Variants in P3H2 observed in about 807,000 individuals in gnomAD.
P3H2 encodes prolyl 3-hydroxylase 2, also known as leprecan-like 1.
A neutral mutation model predicts 87.0 loss-of-function variants in P3H2; 80 were observed. That is an observed-to-expected ratio of 0.92 (90% CI 0.77 to 1.11). The LOEUF is 1.11. Ranked by LOEUF, P3H2 falls within the 50% of genes least tolerant of loss-of-function variation. P3H2 has a pLI of 0.00. For synonymous variants in P3H2, 367 were observed against 359.3 expected, an observed-to-expected ratio of 1.02 and a Z score of -0.24; for missense variants, 1,001 against 923.9, an observed-to-expected ratio of 1.08 and a Z score of -1.08.
At chr3:189,986,583 C>G (rs1056070012) in intron 6 of P3H2, among the ~76,000 whole-genome samples, 1 of 152,092 alleles carries the variant, frequency 6.6e-6, no homozygotes, top group African/African-American at 2.4e-5. Flanking sequence ...GAGCGAGACT[C>G]CATCTCAAAA....
chr3:190,023,667 T>C (rs1337203557), intron 1 of P3H2, among the ~76,000 whole-genome samples: 1 of 152,074 alleles, frequency 6.6e-6, no homozygotes, highest in Non-Finnish European at 1.5e-5. Context: ...GAGTTTTGGG[T>C]GGGGACACAA....
chr3:190,071,005 T>C (rs550366293), intron 1 of P3H2, among the ~76,000 whole-genome samples: 208 of 152,316 alleles, frequency 1.4e-3, no homozygotes, highest in African/African-American at 4.7e-3. Context: ...ATGAGTAAAA[T>C]AATTTTGGCT....
At chr3:189,996,400 C>T (rs1241446484) in intron 1 of P3H2, among the ~76,000 whole-genome samples, 2 of 152,132 alleles carry the variant, frequency 1.3e-5, no homozygotes, top group Non-Finnish European at 2.9e-5. Flanking sequence ...TATATGGAAT[C>T]TGAAACAGTT....
At chr3:190,080,491 C>T (rs1213406212) in intron 1 of P3H2, among the ~76,000 whole-genome samples, 1 of 152,066 alleles carries the variant, frequency 6.6e-6, no homozygotes, top group Non-Finnish European at 1.5e-5. Context: ...ACCTCTGCCT[C>T]CCAGGTGCAA....
intron 1 of P3H2, among the ~76,000 whole-genome samples, chr3:190,105,868 G>A (rs1711812929): frequency 6.6e-6 from 1 of 152,144 alleles, no homozygotes; most frequent in South Asian, 2.1e-4. Flanking sequence ...GACAGAGCTG[G>A]GTGTAGAGAT....
At chr3:190,037,178 T>G (rs1000540604) in intron 1 of P3H2, among the ~76,000 whole-genome samples, 1 of 152,142 alleles carries the variant, frequency 6.6e-6, no homozygotes, top group African/African-American at 2.4e-5. Context: ...GTTGGATAAC[T>G]TGAGATCATA....
chr3:190,014,429 T>A (rs1724689123), intron 1 of P3H2, among the ~76,000 whole-genome samples: 1 of 152,222 alleles, frequency 6.6e-6, no homozygotes, highest in South Asian at 2.1e-4. Context: ...GACAGATGGA[T>A]AGGGTTTGGC....
At chr3:190,035,426 G>A (rs1338329830) in intron 1 of P3H2, among the ~76,000 whole-genome samples, 1 of 152,086 alleles carries the variant, frequency 6.6e-6, no homozygotes, top group Non-Finnish European at 1.5e-5. Context: ...AATGTTATGT[G>A]AATATAAAGC....
At chr3:190,058,105 C>T (rs969022313) in intron 1 of P3H2, among the ~76,000 whole-genome samples, 8 of 151,978 alleles carry the variant, frequency 5.3e-5, no homozygotes, top group Non-Finnish European at 1.2e-4. Context: ...ATGGAAAATC[C>T]CAATATCACC....
Position 189,970,857 on chromosome 3 carries a change from C to G in P3H2, c.1852G>C (p.Gly618Arg). 6.3e-7 allele frequency: 1 copy of G among 1,591,832 alleles called. No homozygotes were observed. The highest frequency in any genetic ancestry group is 1.1e-5 in the South Asian group (1 of 90,630). The change falls in exon 13 of 15, where the codon GGA (glycine) becomes CGA (arginine). Residue 618 changes from glycine (G) to arginine (R), a missense_variant. Gly to Arg is a moderately radical substitution (Grantham distance 125, BLOSUM62 -2). Transcript: ENST00000319332. ...TCCATCTCTGTGAATATGAATTCTC[C>G]TCCTTCAAAGTCATCATTCATATAT... ...LLYMNDDFEG[G>R]EFIFTEMDAK...
At chr3:190,082,528 C>G (rs1394512763) in intron 1 of P3H2, among the ~76,000 whole-genome samples, 1 of 152,114 alleles carries the variant, frequency 6.6e-6, no homozygotes, top group Non-Finnish European at 1.5e-5. Flanking sequence ...ATTGGGATAG[C>G]CTCCAACTCA....
chr3:189,977,768 T>A (rs995769534), intron 8 of P3H2, among the ~76,000 whole-genome samples: 8 of 139,200 alleles, frequency 5.7e-5, no homozygotes, highest in African/African-American at 2.3e-4. Flanking sequence ...GCCTAGTTTA[T>A]TTTTTTTTTT....
intron 1 of P3H2, among the ~76,000 whole-genome samples, chr3:190,087,945 T>C (rs7610141): frequency 0.11 from 17,271 of 152,196 alleles, 2,190 homozygotes; most frequent in African/African-American, 0.31. Context: ...TTGGTCCAAG[T>C]GTTCAACAAG....
chr3:190,120,819 G>T lies in P3H2; in HGVS notation c.-88C>A. 6.8e-7 allele frequency: 1 copy of T among 1,464,984 alleles called. No individual in the cohort carries two copies. Among genetic ancestry groups the T allele is most frequent in the South Asian group, 1.3e-5 (1 of 76,660 alleles). 90.7% of individuals were successfully genotyped at this position (1,464,984 alleles called of 1,614,324 possible). A position where few individuals can be genotyped will look rare whatever the true frequency, so the allele number is the denominator to read the frequency against. ...GGGTCCCCTCTCCCACCTTCCCTCG[G>T]GGAAGCGCGCCGACTCCGCCGCGAT... On this transcript the variant is annotated 5_prime_UTR_variant, in exon 1 of 15. Transcript: ENST00000319332.
chr3:190,108,999 T>C (rs1031877779), intron 1 of P3H2, among the ~76,000 whole-genome samples: 2 of 152,234 alleles, frequency 1.3e-5, no homozygotes, highest in African/African-American at 4.8e-5. Flanking sequence ...AGTGTCTCAA[T>C]AGAATATGGC....
chr3:190,037,380 C>G (rs1254626178), intron 1 of P3H2, among the ~76,000 whole-genome samples: 1 of 151,522 alleles, frequency 6.6e-6, no homozygotes, highest in African/African-American at 2.4e-5. Flanking sequence ...AAGATGATCA[C>G]ATCTACACAA....
intron 3 of P3H2, among the ~76,000 whole-genome samples, chr3:189,990,096 T>C (rs1723833002): frequency 6.6e-6 from 1 of 152,158 alleles, no homozygotes; most frequent in South Asian, 2.1e-4. Context: ...TTAGTCTGAG[T>C]TTGGCTTGGA....
At chr3:190,018,426 G>A (rs1724836440) in intron 1 of P3H2, among the ~76,000 whole-genome samples, 1 of 152,140 alleles carries the variant, frequency 6.6e-6, no homozygotes, top group Non-Finnish European at 1.5e-5. Context: ...TAGATAAGTA[G>A]GCCAGGTGTA....
chr3:190,105,374 CA>C (rs1711791082), intron 1 of P3H2, among the ~76,000 whole-genome samples: 1 of 152,144 alleles, frequency 6.6e-6, no homozygotes, highest in Non-Finnish European at 1.5e-5. Flanking sequence ...TTTGAAACTG[CA>C]AAAGGAGATT....
Sources: gnomAD v4.1 joint callset for allele counts (sites outside exome capture counted in the v4.1 genomes callset) on GRCh38, gnomAD v4.1.1 for gene constraint, MANE v1.5 for transcripts, NCBI Gene and HGNC (gene_info 2026-07-23, HGNC 2026-07-21) for gene names.